SHISA6: variants seen among roughly 807,000 people sequenced by gnomAD.
SHISA6 encodes the protein shisa family member 6.
In SHISA6, 22 loss-of-function variants were observed where a neutral mutation model predicts 47.9. The ratio of observed to expected loss-of-function variants is 0.46; its 90% confidence interval spans 0.33 to 0.66. SHISA6 has a LOEUF of 0.66. Among genes scored for constraint, SHISA6 ranks in the 30% least tolerant of loss-of-function variants. The probability of loss-of-function intolerance (pLI) is 0.02; values close to 1 mark genes in which losing one functional copy is unlikely to be tolerated. For missense variants in SHISA6, 680 were observed against 764.6 expected (o/e 0.89, Z 1.30); for synonymous variants, 388 against 337.8 (o/e 1.15, Z -1.63).
intron 2 of SHISA6, among the ~76,000 whole-genome samples, chr17:11,314,863 C>A (rs1049518436): frequency 2.6e-5 from 4 of 152,078 alleles, no homozygotes; most frequent in Admixed American, 6.5e-5. Context: ...TCAATTGGAG[C>A]TCTATAATCC....
intron 2 of SHISA6, among the ~76,000 whole-genome samples, chr17:11,325,423 A>T (rs1910845041): frequency 6.6e-6 from 1 of 152,232 alleles, no homozygotes; most frequent in South Asian, 2.1e-4. Context: ...TGACCCAGAA[A>T]TGGCCATCTC....
chr17:11,517,543 C>T (rs1440474678), intron 3 of SHISA6, among the ~76,000 whole-genome samples: 2 of 152,126 alleles, frequency 1.3e-5, no homozygotes, highest in Non-Finnish European at 2.9e-5. Flanking sequence ...TGCTCTGTCA[C>T]CCAGGCTGGA....
At chr17:11,483,135 C>G (rs1200596246) in intron 3 of SHISA6, among the ~76,000 whole-genome samples, 1 of 151,862 alleles carries the variant, frequency 6.6e-6, no homozygotes, top group Admixed American at 6.6e-5. Context: ...AACCCCGTCT[C>G]TACTAATAAT....
At chr17:11,463,978 C>G (rs184763902) in intron 3 of SHISA6, among the ~76,000 whole-genome samples, 657 of 152,186 alleles carry the variant, frequency 4.3e-3, no homozygotes, top group Non-Finnish European at 7.2e-3. Flanking sequence ...GTGCAGTGAT[C>G]CAATCACAAC....
Position 11,280,056 on chromosome 17 carries a change from A to G in SHISA6, c.799+16530A>G, listed in dbSNP as rs143250431. ...GTTCTGAGCCTTGTCTTTTTCTAAG[A>G]AGGAGCGAAATGTTTTCCTATGTAA... On this transcript the variant is annotated intron_variant, in intron 2 of 5. Transcript: ENST00000441885. Among the ~76,000 whole-genome samples, 1,005 of 152,320 alleles carry G rather than the reference A, an allele frequency of 6.6e-3. 7 individuals carry two copies. Among genetic ancestry groups the G allele is most frequent in the Non-Finnish European group, 0.011 (723 of 68,034 alleles).
intron 2 of SHISA6, among the ~76,000 whole-genome samples, chr17:11,337,741 C>T (rs977042634): frequency 6.6e-6 from 1 of 152,120 alleles, no homozygotes; most frequent in East Asian, 1.9e-4. Context: ...TGTCACAGTC[C>T]CCTCTCACTG....
chr17:11,492,069 G>A (rs910931290), intron 3 of SHISA6, among the ~76,000 whole-genome samples: 3 of 152,050 alleles, frequency 2.0e-5, no homozygotes, highest in Non-Finnish European at 2.9e-5. Context: ...ATGCCCAGCC[G>A]CTGGTGAAGG....
intron 3 of SHISA6, among the ~76,000 whole-genome samples, chr17:11,387,066 G>A (rs190638404): frequency 1.9e-4 from 29 of 152,268 alleles, no homozygotes; most frequent in East Asian, 1.4e-3. Context: ...AGCTCGAACC[G>A]GCACAGCTCC....
chr17:11,523,444 A>G (rs973404143), intron 3 of SHISA6, among the ~76,000 whole-genome samples: 1 of 152,128 alleles, frequency 6.6e-6, no homozygotes, highest in Admixed American at 6.5e-5. Flanking sequence ...AGCCAGGGAG[A>G]TAGATATGCC....
In SHISA6 at chr17:11,558,097, C is replaced by T; in HGVS notation, c.1449C>T (p.Ser483=). The change falls in exon 6 of 6, where the codon TCC becomes TCT. Residue 483 remains serine, a synonymous_variant. Transcript: ENST00000441885. ...RAISHTDVFV[S]TPVLDRYRMS... ...TCTCGCACACGGACGTCTTTGTGTCCACACCCGTGCTGGACCGCTACCGCA... is the reference window on the plus strand; with the variant it reads ...TCTCGCACACGGACGTCTTTGTGTCTACACCCGTGCTGGACCGCTACCGCA... 1 of 1,551,564 alleles carries T rather than the reference C, an allele frequency of 6.4e-7. No homozygotes were observed. Among genetic ancestry groups the T allele is most frequent in the Non-Finnish European group, 8.7e-7 (1 of 1,146,992 alleles).
intron 3 of SHISA6, among the ~76,000 whole-genome samples, chr17:11,506,580 TATG>T (rs1295163985): frequency 6.6e-6 from 1 of 152,116 alleles, no homozygotes; most frequent in African/African-American, 2.4e-5. Context: ...CCCACGCTAT[TATG>T]ATGAGGTCTA....
In SHISA6 at chr17:11,412,702, G is replaced by C. The variant is rs541576730; in HGVS notation, c.895+33193G>C. Among the ~76,000 whole-genome samples, 204 of 151,912 alleles carry C rather than the reference G, an allele frequency of 1.3e-3. 2 individuals carry two copies. Among genetic ancestry groups the C allele is most frequent in the East Asian group, 3.9e-3 (20 of 5,140 alleles). ...GACTACAGGCACCGGCCACCGTGCCGGGCTAATTTTTTGTATTTTTAGTAG... is the reference window on the plus strand; with the variant it reads ...GACTACAGGCACCGGCCACCGTGCCCGGCTAATTTTTTGTATTTTTAGTAG... On this transcript the variant is annotated intron_variant, in intron 3 of 5. Transcript: ENST00000441885.
intron 2 of SHISA6, among the ~76,000 whole-genome samples, chr17:11,312,422 T>C (rs1256272654): frequency 6.6e-6 from 1 of 152,240 alleles, no homozygotes; most frequent in Non-Finnish European, 1.5e-5. Flanking sequence ...TTTACCTCTT[T>C]AATACAAAAG....
chr17:11,556,771 C>T (rs1287043023), intron 5 of SHISA6, among the ~76,000 whole-genome samples: 1 of 152,128 alleles, frequency 6.6e-6, no homozygotes, highest in Non-Finnish European at 1.5e-5. Context: ...CATCAACGAC[C>T]CCGCTGCACC....
intron 3 of SHISA6, among the ~76,000 whole-genome samples, chr17:11,445,303 G>T (rs1915199162): frequency 6.6e-6 from 1 of 152,072 alleles, no homozygotes; most frequent in South Asian, 2.1e-4. Flanking sequence ...TCACCTTGAG[G>T]TTTAGAATGG....
At chr17:11,345,302 A>G (rs1597467830) in intron 2 of SHISA6, among the ~76,000 whole-genome samples, 1 of 152,134 alleles carries the variant, frequency 6.6e-6, no homozygotes, top group African/African-American at 2.4e-5. Flanking sequence ...TCCATTGGAT[A>G]AATACCCAGT....
At chr17:11,391,360 A>G (rs566267474) in intron 3 of SHISA6, among the ~76,000 whole-genome samples, 1 of 152,318 alleles carries the variant, frequency 6.6e-6, no homozygotes, top group South Asian at 2.1e-4. Context: ...AAACAGAGCT[A>G]GAAAGGCGGG....
At chr17:11,483,869 T>C (rs1916279497) in intron 3 of SHISA6, among the ~76,000 whole-genome samples, 1 of 152,132 alleles carries the variant, frequency 6.6e-6, no homozygotes, top group African/African-American at 2.4e-5. Context: ...GGCAGGAGGA[T>C]CGCTTGAGTC....
intron 2 of SHISA6, among the ~76,000 whole-genome samples, chr17:11,278,152 T>G (rs562429585): frequency 6.6e-6 from 1 of 152,238 alleles, no homozygotes; most frequent in South Asian, 2.1e-4. Flanking sequence ...ATATGAGCAG[T>G]TATGTCGCTA....
Sources: gnomAD v4.1 joint callset for allele counts (sites outside exome capture counted in the v4.1 genomes callset) on GRCh38, gnomAD v4.1.1 for gene constraint, MANE v1.5 for transcripts, NCBI Gene and HGNC (gene_info 2026-07-23, HGNC 2026-07-21) for gene names.